Variants in XKR9 observed in about 807,000 individuals in gnomAD.
The protein encoded by XKR9 is XK-related protein 9.
A neutral mutation model predicts 32.0 loss-of-function variants in XKR9; 32 were observed. The observed-to-expected ratio is 1.00, with a 90% CI of 0.76 to 1.34. The LOEUF is 1.34. Among genes scored for constraint, XKR9 ranks in the 40% most tolerant of loss-of-function variants. The probability of loss-of-function intolerance (pLI) is 0.00; values close to 1 mark genes in which losing one functional copy is unlikely to be tolerated. For missense variants in XKR9, 546 were observed against 429.7 expected, an observed-to-expected ratio of 1.27 and a Z score of -2.39; for synonymous variants, 168 against 143.4, an observed-to-expected ratio of 1.17 and a Z score of -1.22.
the XKR9 span, among the ~76,000 whole-genome samples, chr8:70,961,725 A>C: frequency 6.6e-6 from 1 of 152,058 alleles, no homozygotes; most frequent in Non-Finnish European, 1.5e-5. Flanking sequence ...CTCTGTTTCC[A>C]AATAGAGAAG....
At chr8:70,867,592 C>A in the XKR9 span, among the ~76,000 whole-genome samples, 3 of 152,190 alleles carry the variant, frequency 2.0e-5, no homozygotes, top group African/African-American at 7.2e-5. Context: ...GCTGGGATTA[C>A]AGGCTTGCAC....
chr8:70,728,308 C>G (rs1431820614), intron 4 of XKR9, among the ~76,000 whole-genome samples: 2 of 152,180 alleles, frequency 1.3e-5, no homozygotes, highest in East Asian at 1.9e-4. Flanking sequence ...AGGGCGAAGA[C>G]TTCTCTAACT....
chr8:70,707,224 G>T, intron 4 of XKR9, 71 bp downstream of exon 4: 4 of 1,225,494 alleles, frequency 3.3e-6, no homozygotes, highest in Non-Finnish European at 4.6e-6. Flanking sequence ...TAAATCTTTG[G>T]CTGACTTTAG....
chr8:70,788,322 T>G (rs893762114), intron 2 of XKR9, among the ~76,000 whole-genome samples: 1 of 152,158 alleles, frequency 6.6e-6, no homozygotes, highest in Admixed American at 6.6e-5. Flanking sequence ...TAATTGTCAG[T>G]TGTTGCAACT....
the XKR9 span, among the ~76,000 whole-genome samples, chr8:71,014,811 T>C: frequency 2.0e-5 from 3 of 152,284 alleles, no homozygotes; most frequent in Middle Eastern, 3.4e-3. Flanking sequence ...CTACTTATAA[T>C]GTAGAATGGT....
In XKR9 at chr8:70,688,262, G is replaced by A. The variant is rs573184073; in HGVS notation, c.272+6932G>A. On this transcript the variant is annotated intron_variant, in intron 3 of 4. Coordinates refer to ENST00000408926, the MANE Select transcript of XKR9 (RefSeq NM_001011720.2). The stretch of plus-strand genomic sequence containing the variant: ...AAGGTGAAATGTGTGTGTCTTTGGC[G>A]TGTCACAGTTTTTGATGTGACAAAA... 4.7e-4 allele frequency among the ~76,000 whole-genome samples: 72 copies of A among 152,290 alleles called. 2 individuals are homozygous for A. The South Asian group carries it at 0.012, about 25-fold the overall frequency.
chr8:70,706,960 C>T lies in XKR9; in HGVS notation c.300C>T (p.Tyr100=). The part of the protein sequence containing the change: ...TRYWFALKRG[Y]HAAFKYDSNT... ...ATTGGTTTGCCTTAAAAAGGGGTTA[C>T]CATGCAGCTTTTAAATATGACAGCA... Residue 100 remains tyrosine (Y), a synonymous_variant, in exon 4 of 5, where the codon TAC becomes TAT. Coordinates refer to ENST00000408926, the MANE Select transcript of XKR9 (RefSeq NM_001011720.2). 6.2e-7 allele frequency: 1 copy of T among 1,612,476 alleles called. No individual in the cohort carries two copies. The highest frequency in any genetic ancestry group is 1.1e-5 in the South Asian group (1 of 90,922).
At chr8:70,994,883 A>C in the XKR9 span, among the ~76,000 whole-genome samples, 2 of 152,190 alleles carry the variant, frequency 1.3e-5, no homozygotes, top group Admixed American at 1.3e-4. Flanking sequence ...AGTGACAGGC[A>C]AATGAAAAGG....
the XKR9 span, among the ~76,000 whole-genome samples, chr8:71,045,263 G>T: frequency 6.6e-6 from 1 of 152,152 alleles, no homozygotes; most frequent in Non-Finnish European, 1.5e-5. Context: ...TATCCGCAAA[G>T]CTTGTCACGT....
chr8:70,742,215 A>T (rs1172772446), intron 2 of XKR9, among the ~76,000 whole-genome samples: 2 of 152,204 alleles, frequency 1.3e-5, no homozygotes, highest in African/African-American at 2.4e-5. Flanking sequence ...CTGGGCAAAA[A>T]CTCAGTAATA....
chr8:70,804,133 G>A, the XKR9 span, among the ~76,000 whole-genome samples: 1 of 152,224 alleles, frequency 6.6e-6, no homozygotes, highest in African/African-American at 2.4e-5. Flanking sequence ...TATATCCTGG[G>A]ACATTAGGAG....
At chr8:70,730,774 T>C (rs35115527) in intron 4 of XKR9, among the ~76,000 whole-genome samples, 61,337 of 152,060 alleles carry the variant, frequency 0.4, 13,909 homozygotes, top group Non-Finnish European at 0.52. Context: ...AAAACAAAGC[T>C]TTAGCTACTG....
At chr8:70,695,125 T>G (rs1221564228) in intron 3 of XKR9, among the ~76,000 whole-genome samples, 1 of 109,132 alleles carries the variant, frequency 9.2e-6, no homozygotes, top group Non-Finnish European at 2.2e-5. Context: ...CTGCCTTGTT[T>G]TTCTTTTTTT....
chr8:70,870,723 G>A, the XKR9 span, among the ~76,000 whole-genome samples: 2 of 152,152 alleles, frequency 1.3e-5, no homozygotes, highest in Admixed American at 6.6e-5. Flanking sequence ...ATCCAAGAAA[G>A]TTCTAGTTCC....
chr8:70,689,148 G>C (rs1346894664), intron 3 of XKR9, among the ~76,000 whole-genome samples: 1 of 151,986 alleles, frequency 6.6e-6, no homozygotes, highest in Admixed American at 6.6e-5. Flanking sequence ...AGCAGCTTCT[G>C]GAAATCAAAA....
intron 2 of XKR9, among the ~76,000 whole-genome samples, chr8:70,765,314 G>A (rs1431242222): frequency 6.6e-6 from 1 of 152,122 alleles, no homozygotes; most frequent in Non-Finnish European, 1.5e-5. Flanking sequence ...ATCTCATTGT[G>A]GTTTTGATTT....
intron 4 of XKR9, among the ~76,000 whole-genome samples, chr8:70,732,286 T>A (rs1293456971): frequency 1.3e-5 from 2 of 152,358 alleles, no homozygotes; most frequent in East Asian, 3.9e-4. Flanking sequence ...GAGTTACAGC[T>A]ACAGACACTC....
chr8:70,842,953 G>GA, the XKR9 span, among the ~76,000 whole-genome samples: 631 of 151,352 alleles, frequency 4.2e-3, 6 homozygotes, highest in African/African-American at 0.015. Flanking sequence ...AAGGAAAGAA[G>GA]AAAAAAAAGA....
At chr8:70,862,334 C>A in the XKR9 span, among the ~76,000 whole-genome samples, 1 of 151,954 alleles carries the variant, frequency 6.6e-6, no homozygotes, top group Non-Finnish European at 1.5e-5. Flanking sequence ...GCCTTTTCAC[C>A]CCTAGCTTAT....
Sources: gnomAD v4.1 joint callset for allele counts (sites outside exome capture counted in the v4.1 genomes callset) on GRCh38, gnomAD v4.1.1 for gene constraint, MANE v1.5 for transcripts, NCBI Gene and HGNC (gene_info 2026-07-23, HGNC 2026-07-21) for gene names.